Variants in LSAMP observed in about 807,000 individuals in gnomAD.
The protein encoded by LSAMP is limbic system associated membrane protein.
Under a neutral mutation model 38.6 loss-of-function variants are expected in LSAMP, and 7 were observed. That is an observed-to-expected ratio of 0.18 (90% CI 0.10 to 0.34). The LOEUF is 0.34. Ranked by LOEUF, LSAMP falls within the 10% of genes least tolerant of loss-of-function variation. The pLI is 1.00. For missense variants in LSAMP, 313 were observed against 420.0 expected (o/e 0.75, Z 2.23); for synonymous variants, 154 against 166.8 (o/e 0.92, Z 0.59).
intron 1 of LSAMP, among the ~76,000 whole-genome samples, chr3:116,282,573 T>C (rs1178204687): frequency 6.6e-6 from 1 of 152,210 alleles, no homozygotes; most frequent in African/African-American, 2.4e-5. Context: ...GTAGTCTCTA[T>C]ACATGGATGC....
In LSAMP at chr3:116,262,629, G is replaced by A. The variant is rs144518717; in HGVS notation, c.156-176073C>T. 3.3e-5 allele frequency among the ~76,000 whole-genome samples: 5 copies of A among 152,214 alleles called. No homozygotes were observed. The East Asian group carries it at 9.7e-4, about 29-fold the overall frequency. On this transcript the variant is annotated intron_variant, in intron 1 of 6. Transcript: ENST00000490035. ...CACTTATGGGTGTACGTGAAACAGA[G>A]CCTCTAAAACTCAGTTAGACTATTG... is the stretch of plus-strand genomic sequence containing the variant.
chr3:116,143,686 TATTC>T (rs1709425795), intron 1 of LSAMP, among the ~76,000 whole-genome samples: 1 of 151,998 alleles, frequency 6.6e-6, no homozygotes, highest in South Asian at 2.1e-4. Flanking sequence ...TTTACTTGAT[TATTC>T]ATTGTGTATG....
intron 1 of LSAMP, among the ~76,000 whole-genome samples, chr3:116,240,322 C>T (rs2046516230): frequency 6.6e-6 from 1 of 152,088 alleles, no homozygotes; most frequent in Non-Finnish European, 1.5e-5. Context: ...TGTCAGTGGA[C>T]CTGGATCTGC....
intron 1 of LSAMP, among the ~76,000 whole-genome samples, chr3:116,307,598 CA>C: frequency 6.6e-6 from 1 of 151,774 alleles, no homozygotes; most frequent in South Asian, 2.1e-4. Flanking sequence ...TCCTGATACA[CA>C]AAAATAGTCA....
intron 3 of LSAMP, 57 bp from the exon 4 acceptor site, chr3:115,852,674 C>G (rs1935372300): frequency 4.7e-6 from 7 of 1,483,958 alleles, no homozygotes; most frequent in Non-Finnish European, 6.4e-6. Flanking sequence ...GCAGTAGATC[C>G]TCTCATTATT....
intron 2 of LSAMP, among the ~76,000 whole-genome samples, chr3:116,078,410 C>T (rs912359073): frequency 7.2e-5 from 11 of 151,798 alleles, no homozygotes; most frequent in East Asian, 1.9e-4. Context: ...CTGCAAGCTC[C>T]GCCTCCCGGG....
rs138807814 is a variant in LSAMP, at chr3:115,810,433, G to C, written c.920-19C>G. ...CCAGGTCCTGCAGAGCAAAAGAGGAGAGAGAAAAAGAGAATGAGTTACATG... is the reference window on the plus strand; with the variant it reads ...CCAGGTCCTGCAGAGCAAAAGAGGACAGAGAAAAAGAGAATGAGTTACATG... On this transcript the variant is annotated intron_variant, in intron 6 of 6. Coordinates refer to ENST00000490035, the MANE Select transcript of LSAMP (RefSeq NM_002338.5). The C allele has an allele frequency of 1.7e-4, 261 of 1,539,494 alleles. No homozygotes were observed. The African/African-American group carries it at 3.2e-3, about 19-fold the overall frequency.
intron 3 of LSAMP, among the ~76,000 whole-genome samples, chr3:116,015,854 A>T (rs1940465513): frequency 1.3e-5 from 2 of 152,146 alleles, no homozygotes; most frequent in Admixed American, 1.3e-4. Context: ...CATGTCATCA[A>T]ATGACAGATA....
intron 3 of LSAMP, among the ~76,000 whole-genome samples, chr3:115,968,198 T>C (rs763063789): frequency 5.9e-5 from 9 of 152,038 alleles, no homozygotes; most frequent in Non-Finnish European, 8.8e-5. Flanking sequence ...CACTGTGGCC[T>C]AGCTGGTGTC....
chr3:116,320,514 G>A (rs1478670005), intron 1 of LSAMP, among the ~76,000 whole-genome samples: 3 of 152,228 alleles, frequency 2.0e-5, no homozygotes, highest in African/African-American at 7.2e-5. Flanking sequence ...ACCGCTGTGA[G>A]ACAGAAGTAT....
chr3:115,888,191 G>T (rs897917276), intron 3 of LSAMP, among the ~76,000 whole-genome samples: 1 of 151,876 alleles, frequency 6.6e-6, no homozygotes, highest in Non-Finnish European at 1.5e-5. Flanking sequence ...AAAAATCATT[G>T]TTCCATTTTC....
intron 1 of LSAMP, among the ~76,000 whole-genome samples, chr3:116,110,418 G>C (rs1708578508): frequency 6.6e-6 from 1 of 152,230 alleles, no homozygotes; most frequent in Admixed American, 6.5e-5. Context: ...TGAATAATCA[G>C]AGAGGCTTCC....
At chr3:116,331,817 T>C (rs1201169100) in intron 1 of LSAMP, among the ~76,000 whole-genome samples, 2 of 152,148 alleles carry the variant, frequency 1.3e-5, no homozygotes, top group Admixed American at 1.3e-4. Context: ...GTTTTGTTTC[T>C]TTTTATTTTC....
chr3:116,420,389 C>T lies in LSAMP; in HGVS notation c.155+24488G>A, dbSNP rs999984337. Among the ~76,000 whole-genome samples the T allele has an allele frequency of 9.9e-5, 15 of 152,032 alleles. No homozygotes were observed. In the East Asian group the frequency reaches 2.3e-3, roughly 24 times the overall value. Reference sequence around the variant, plus strand: ...CTGGGATTACAGGCCTGAGCCATTGCGCCCAGCCCAAACCCATTTTTTCAG... The same window carrying T: ...CTGGGATTACAGGCCTGAGCCATTGTGCCCAGCCCAAACCCATTTTTTCAG... On this transcript the variant is annotated intron_variant, in intron 1 of 6. Coordinates refer to ENST00000490035, the MANE Select transcript of LSAMP (RefSeq NM_002338.5).
chr3:116,029,201 G>A, intron 2 of LSAMP, among the ~76,000 whole-genome samples: 1 of 152,124 alleles, frequency 6.6e-6, no homozygotes, highest in East Asian at 1.9e-4. Context: ...CTTAGACCTT[G>A]TAGTAGAATA....
chr3:116,444,124 A>G (rs949254771), intron 1 of LSAMP, among the ~76,000 whole-genome samples: 2 of 152,126 alleles, frequency 1.3e-5, no homozygotes, highest in Non-Finnish European at 2.9e-5. Context: ...ATGCCAGGTT[A>G]ATTCTCTCCC....
chr3:116,095,117 A>G (rs1708198186), intron 1 of LSAMP, among the ~76,000 whole-genome samples: 1 of 152,202 alleles, frequency 6.6e-6, no homozygotes, highest in Admixed American at 6.5e-5. Flanking sequence ...AACATGTATT[A>G]TTACCCAGAC....
At chr3:115,916,962 T>C in intron 3 of LSAMP, among the ~76,000 whole-genome samples, 1 of 152,188 alleles carries the variant, frequency 6.6e-6, no homozygotes, top group Non-Finnish European at 1.5e-5. Context: ...CATTTTTCTA[T>C]GAATGAGATC....
chr3:116,408,463 T>C (rs1197237300), intron 1 of LSAMP, among the ~76,000 whole-genome samples: 1 of 152,110 alleles, frequency 6.6e-6, no homozygotes, highest in Admixed American at 6.6e-5. Context: ...CATTTTATTT[T>C]AGAAAGAAGC....
Sources: allele counts gnomAD v4.1 joint callset (sites outside exome capture counted in the v4.1 genomes callset), GRCh38; gene constraint gnomAD v4.1.1; transcripts MANE v1.5; gene names NCBI Gene and HGNC (gene_info 2026-07-23, HGNC 2026-07-21).